The following NAF1 variants were observed in gnomAD, a reference collection of about 807,000 sequenced individuals.
NAF1 encodes the protein nuclear assembly factor 1 ribonucleoprotein, also known as H/ACA ribonucleoprotein complex non-core subunit NAF1.
A neutral mutation model predicts 40.6 loss-of-function variants in NAF1; 11 were observed. The ratio of observed to expected loss-of-function variants is 0.27; its 90% confidence interval spans 0.17 to 0.45. The LOEUF (loss-of-function observed/expected upper bound fraction) is 0.45. NAF1 is among the 20% of genes least tolerant of loss of function. The pLI, the probability that NAF1 is intolerant of heterozygous loss-of-function variation, is 1.00. For synonymous variants in NAF1, 260 were observed against 228.5 expected (o/e 1.14, Z -1.24); for missense variants, 607 against 611.1 (o/e 0.99, Z 0.07).
chr4:163,160,733 C>T (rs1448514378), intron 2 of NAF1, among the ~76,000 whole-genome samples: 1 of 152,118 alleles, frequency 6.6e-6, no homozygotes, highest in Non-Finnish European at 1.5e-5. Flanking sequence ...ATGTCCAGAT[C>T]CCTGAAGGTC....
intron 2 of NAF1, among the ~76,000 whole-genome samples, chr4:163,110,605 C>A (rs1440326082): frequency 2.0e-5 from 3 of 152,136 alleles, no homozygotes; most frequent in Non-Finnish European, 4.4e-5. Flanking sequence ...TTTGCATATT[C>A]TCTTACTGAT....
rs145781768 is a variant in NAF1 at position 163,149,766 on chromosome 4, GT to G, written c.541-1333del. Among the ~76,000 whole-genome samples, 695 of 152,252 alleles carry G rather than the reference GT, an allele frequency of 4.6e-3. 8 individuals carry two copies. Among genetic ancestry groups the G allele is most frequent in the African/African-American group, 0.015 (628 of 41,568 alleles). On this transcript the variant is annotated intron_variant, in intron 2 of 7. Coordinates refer to ENST00000274054, the MANE Select transcript of NAF1 (RefSeq NM_138386.3). The stretch of plus-strand genomic sequence containing the variant: ...TGTGTGTATCAGAATGCAGAAGGGA[GT>G]TTAGTTGTTAGAACAAACTGTGACA...
intron 7 of NAF1, 31 bp from the exon 8 acceptor site, chr4:163,129,379 G>A: frequency 6.4e-7 from 1 of 1,552,598 alleles, no homozygotes; most frequent in Non-Finnish European, 8.8e-7. Context: ...AACATAAAAA[G>A]GAAAATAAGT....
At chr4:163,132,814 T>C (rs1015291430) in intron 7 of NAF1, among the ~76,000 whole-genome samples, 2 of 152,138 alleles carry the variant, frequency 1.3e-5, no homozygotes, top group African/African-American at 4.8e-5. Context: ...TCAAAAAAGG[T>C]AAAGGGAATG....
intron 2 of NAF1, among the ~76,000 whole-genome samples, chr4:163,152,945 C>G (rs564030371): frequency 2.0e-5 from 3 of 152,208 alleles, no homozygotes; most frequent in African/African-American, 4.8e-5. Context: ...TCAGAGCAGC[C>G]GGCCAGCCCT....
intron 4 of NAF1, among the ~76,000 whole-genome samples, chr4:163,143,180 T>A (rs918845210): frequency 1.3e-5 from 2 of 152,176 alleles, no homozygotes; most frequent in East Asian, 1.9e-4. Context: ...TTTCTAGGTA[T>A]CCTTTCACTT....
chr4:163,157,045 CA>C (rs1460128179), intron 2 of NAF1: 1 of 151,998 alleles, frequency 6.6e-6, no homozygotes, highest in African/African-American at 2.4e-5. Flanking sequence ...ACATCATTAG[CA>C]AATGAAAAGC....
In NAF1 at chr4:163,149,782, A is replaced by G. The variant is rs148772400; in HGVS notation, c.541-1348T>C. The stretch of plus-strand genomic sequence containing the variant: ...CAGAAGGGAGTTTAGTTGTTAGAAC[A>G]AACTGTGACATTAAATAGCCTTTTT... On this transcript the variant is annotated intron_variant, in intron 2 of 7. Coordinates refer to ENST00000274054, the MANE Select transcript of NAF1 (RefSeq NM_138386.3). 6.4e-4 allele frequency among the ~76,000 whole-genome samples: 98 copies of G among 152,302 alleles called. 4 individuals are homozygous for G. In the East Asian group the frequency reaches 0.013, roughly 21 times the overall value.
chr4:163,106,847 T>A (rs1240385808), downstream of NAF1, among the ~76,000 whole-genome samples: 1 of 152,170 alleles, frequency 6.6e-6, no homozygotes, highest in Non-Finnish European at 1.5e-5. Flanking sequence ...TAGGCAAAAC[T>A]AGTAGACAAA....
At chr4:163,136,974 T>C (rs549745453) in intron 6 of NAF1, among the ~76,000 whole-genome samples, 16 of 152,280 alleles carry the variant, frequency 1.1e-4, no homozygotes, top group African/African-American at 3.8e-4. Context: ...TACAACTAAA[T>C]GTAACTGAAA....
chr4:163,135,168 T>C (rs1410605189), intron 6 of NAF1: 1 of 152,230 alleles, frequency 6.6e-6, no homozygotes, highest in African/African-American at 2.4e-5. Flanking sequence ...TTTCTCTTAT[T>C]TTCCTTTATG....
chr4:163,166,549 T>C lies in NAF1; in HGVS notation c.179A>G (p.Lys60Arg), dbSNP rs1287476101. ...CTGCAGAGGCTGCTCCCCGGCAGGC[T>C]TAACCTCCACGGTCTGCCCAGCGTC... ...SPDAGQTVEV[K>R]PAGEQPLQPV... Residue 60 changes from lysine to arginine, a missense_variant, in exon 1 of 8, where the codon AAG becomes AGG. Physicochemically the swap from Lys to Arg is conservative, Grantham distance 26. Around this residue, in one of 3 missense-constraint regions of NAF1, gnomAD observed 407 missense variants for 365.5 expected, o/e 1.11. Coordinates refer to ENST00000274054, the MANE Select transcript of NAF1 (RefSeq NM_138386.3). 5.6e-6 allele frequency: 9 copies of C among 1,594,692 alleles called. No individual in the cohort carries two copies. The African/African-American group carries it at 9.4e-5, about 17-fold the overall frequency.
At chr4:163,127,509 G>A (rs192225281), downstream of NAF1, among the ~76,000 whole-genome samples, 11 of 152,258 alleles carry the variant, frequency 7.2e-5, no homozygotes, top group East Asian at 1.9e-3. Flanking sequence ...TCCCATTCTT[G>A]TGGAAAAGGA....
At chr4:163,116,664 G>A (rs957816886) in intron 2 of NAF1, among the ~76,000 whole-genome samples, 5 of 152,140 alleles carry the variant, frequency 3.3e-5, no homozygotes, top group African/African-American at 1.2e-4. Flanking sequence ...TGTTCCACAT[G>A]ATTTCATCAA....
intron 6 of NAF1, chr4:163,135,440 A>G (rs1260668407): frequency 6.6e-6 from 1 of 152,222 alleles, no homozygotes; most frequent in Admixed American, 6.5e-5. Context: ...AATAACTCGC[A>G]TTGTTGTAAT....
At chr4:163,154,454 TAG>T (rs1408256450) in intron 2 of NAF1, among the ~76,000 whole-genome samples, 3 of 152,226 alleles carry the variant, frequency 2.0e-5, no homozygotes, top group African/African-American at 7.2e-5. Context: ...GATCCTGTTA[TAG>T]AGTCTGCCTT....
At position 163,164,297 on chromosome 4, in the gene NAF1, A is replaced by C. The variant is rs1732352283; in HGVS notation, c.460T>G (p.Ser154Ala). ...SSCISLPPVL[S>A]DGDDDLQIEK... is the part of the protein sequence containing the mutation. ...ATTTGTAAATCATCATCTCCATCTGACAGCACTGGAGGAAGTGATATACAA... is the reference window on the plus strand; with the variant it reads ...ATTTGTAAATCATCATCTCCATCTGCCAGCACTGGAGGAAGTGATATACAA... The change falls in exon 2 of 8, where the codon TCA becomes GCA. Residue 154 changes from serine to alanine, a missense_variant. By Grantham distance (99) the Ser-to-Ala change is moderately conservative. Transcript: ENST00000274054. 1.3e-6 allele frequency: 2 copies of C among 1,596,840 alleles called. No homozygotes were observed. Among genetic ancestry groups the C allele is most frequent in the South Asian group, 2.3e-5 (2 of 85,930 alleles).
At chr4:163,126,839 C>A (rs906658859), downstream of NAF1, 4 of 1,230,696 alleles carry the variant, frequency 3.3e-6, no homozygotes, top group African/African-American at 1.5e-5. Context: ...GATTAGTCAG[C>A]GGCCAACAGC....
chr4:163,153,417 C>A (rs893081530), intron 2 of NAF1, among the ~76,000 whole-genome samples: 4 of 152,292 alleles, frequency 2.6e-5, no homozygotes, highest in South Asian at 2.1e-4. Flanking sequence ...GTGCACCAAT[C>A]GACACTCTGT....
Sources: gnomAD v4.1 joint callset for allele counts (sites outside exome capture counted in the v4.1 genomes callset) on GRCh38, gnomAD v4.1.1 for gene constraint, gnomAD v4.1.1 regional missense constraint, MANE v1.5 for transcripts, NCBI Gene and HGNC (gene_info 2026-07-23, HGNC 2026-07-21) for gene names.